Variants in FSTL5 observed in about 807,000 individuals in gnomAD.
FSTL5 encodes the protein follistatin-related protein 5.
In FSTL5, 62 loss-of-function variants were observed where a neutral mutation model predicts 89.1. The ratio of observed to expected loss-of-function variants is 0.70; its 90% CI spans 0.57 to 0.86. The LOEUF (loss-of-function observed/expected upper bound fraction) is 0.86, where lower values mean the gene tolerates loss of function less well. FSTL5 is among the 40% of genes least tolerant of loss of function. FSTL5 has a pLI of 0.00. For synonymous variants in FSTL5, 383 were observed against 346.2 expected (o/e 1.11, Z -1.18); for missense variants, 1,057 against 1,001.6 (o/e 1.06, Z -0.75).
At chr4:161,591,530 T>A (rs35462865) in intron 7 of FSTL5, among the ~76,000 whole-genome samples, 30 of 104,550 alleles carry the variant, frequency 2.9e-4, no homozygotes, top group African/African-American at 8.5e-4. Context: ...TCCAAAAAAA[T>A]AAATATGCCA....
At chr4:161,407,111 G>A (rs1731410540) in intron 15 of FSTL5, among the ~76,000 whole-genome samples, 1 of 152,124 alleles carries the variant, frequency 6.6e-6, no homozygotes, top group African/African-American at 2.4e-5. Flanking sequence ...AAAGCATTTT[G>A]AAACTAGATA....
intron 6 of FSTL5, among the ~76,000 whole-genome samples, chr4:161,695,567 G>T (rs1738124678): frequency 6.6e-6 from 1 of 151,978 alleles, no homozygotes; most frequent in Admixed American, 6.6e-5. Flanking sequence ...TGCAAATTGT[G>T]CTGCTATAAA....
chr4:161,387,592 G>A (rs1332495838), intron 15 of FSTL5: 2 of 151,904 alleles, frequency 1.3e-5, no homozygotes, highest in Non-Finnish European at 2.9e-5. Flanking sequence ...GGTGCAATCA[G>A]AGTAATATCT....
At position 161,477,779 on chromosome 4, in the gene FSTL5, G is replaced by A. The variant is rs538592110; in HGVS notation, c.1608+3241C>T. On this transcript the variant is annotated intron_variant, in intron 13 of 15. Coordinates refer to ENST00000306100, the MANE Select transcript of FSTL5 (RefSeq NM_020116.5). ...TTTTCAATTTTAGGAACTTATTCAAGAAATACAGGGTTAGTATAAAACTTG... is the reference window on the plus strand; with the variant it reads ...TTTTCAATTTTAGGAACTTATTCAAAAAATACAGGGTTAGTATAAAACTTG... Among the ~76,000 whole-genome samples, 12 of 151,752 alleles carry A rather than the reference G, an allele frequency of 7.9e-5. No homozygotes were observed. The South Asian group carries it at 2.3e-3, about 29-fold the overall frequency.
chr4:161,438,761 T>C (rs1462253653), intron 15 of FSTL5, among the ~76,000 whole-genome samples: 1 of 152,072 alleles, frequency 6.6e-6, no homozygotes, highest in Non-Finnish European at 1.5e-5. Context: ...AATGATTAAT[T>C]TTTTTACAAA....
At chr4:161,911,274 A>G (rs972379380) in intron 4 of FSTL5, among the ~76,000 whole-genome samples, 11 of 152,036 alleles carry the variant, frequency 7.2e-5, no homozygotes, top group African/African-American at 2.4e-4. Context: ...TATTCTATAT[A>G]TATATAATTC....
chr4:161,396,489 A>C (rs1731004389), intron 15 of FSTL5, among the ~76,000 whole-genome samples: 1 of 136,786 alleles, frequency 7.3e-6, no homozygotes, highest in South Asian at 2.4e-4. Context: ...TAAAAATACA[A>C]AAAAAAAAAA....
At chr4:161,855,812 C>T (rs1005848555) in intron 4 of FSTL5, among the ~76,000 whole-genome samples, 1 of 152,090 alleles carries the variant, frequency 6.6e-6, no homozygotes, top group Non-Finnish European at 1.5e-5. Context: ...TAAATGCAAT[C>T]CCAGTTACTG....
chr4:161,748,883 CAAA>C (rs1040034587), intron 6 of FSTL5, among the ~76,000 whole-genome samples: 1 of 119,740 alleles, frequency 8.4e-6, no homozygotes, highest in African/African-American at 3.2e-5. Context: ...AAATGTTTCT[CAAA>C]AGAAGACATA....
intron 15 of FSTL5, among the ~76,000 whole-genome samples, chr4:161,445,263 C>T (rs142604675): frequency 8.1e-4 from 123 of 151,958 alleles, no homozygotes; most frequent in African/African-American, 2.7e-3. Context: ...AGAGCCTCTA[C>T]TTTTAGTCAG....
intron 10 of FSTL5, among the ~76,000 whole-genome samples, chr4:161,536,035 T>C (rs939645921): frequency 3.9e-5 from 6 of 152,092 alleles, no homozygotes; most frequent in African/African-American, 1.4e-4. Flanking sequence ...GAGCTAAACA[T>C]TGAATACACA....
chr4:161,742,169 T>C (rs933142497), intron 6 of FSTL5, among the ~76,000 whole-genome samples: 1 of 152,150 alleles, frequency 6.6e-6, no homozygotes, highest in African/African-American at 2.4e-5. Flanking sequence ...ACTAGTTATT[T>C]GAGAGAAAAC....
intron 15 of FSTL5, among the ~76,000 whole-genome samples, chr4:161,393,312 C>T (rs1386744587): frequency 5.9e-5 from 9 of 151,518 alleles, no homozygotes. Flanking sequence ...ATTCTAGATA[C>T]CATATGACCA....
chr4:161,469,660 C>T (rs111761640), intron 13 of FSTL5, among the ~76,000 whole-genome samples: 33 of 146,008 alleles, frequency 2.3e-4, no homozygotes, highest in South Asian at 4.3e-4. Flanking sequence ...TTTTTTGAAG[C>T]GGAGTCTCCC....
intron 6 of FSTL5, among the ~76,000 whole-genome samples, chr4:161,682,443 C>T (rs1207258545): frequency 6.6e-6 from 1 of 152,162 alleles, no homozygotes; most frequent in Non-Finnish European, 1.5e-5. Flanking sequence ...TGTACAGCTG[C>T]ACAACCATAT....
chr4:161,890,156 AT>A (rs1446297797), intron 4 of FSTL5, among the ~76,000 whole-genome samples: 1 of 152,156 alleles, frequency 6.6e-6, no homozygotes, highest in Non-Finnish European at 1.5e-5. Flanking sequence ...CATCTTTAAA[AT>A]CAGTTTCAAT....
chr4:161,886,166 A>T (rs1732800534), intron 4 of FSTL5, among the ~76,000 whole-genome samples: 1 of 152,142 alleles, frequency 6.6e-6, no homozygotes, highest in African/African-American at 2.4e-5. Context: ...AACAAATACA[A>T]CACAATTTGA....
chr4:161,426,891 A>G (rs1012481084), intron 15 of FSTL5, among the ~76,000 whole-genome samples: 1 of 152,216 alleles, frequency 6.6e-6, no homozygotes, highest in Non-Finnish European at 1.5e-5. Flanking sequence ...TAAAATACAC[A>G]TATTTTTTAC....
In FSTL5 at chr4:161,779,821, A is replaced by ATATATATATATATG. The variant is rs1553965280; in HGVS notation, c.410-3748_410-3747insCATATATATATATA. ...TATATATATATATATGTATATATATATATATATATATATATGTATATAAAA... is the reference window on the plus strand; with the variant it reads ...TATATATATATATATGTATATATATATATATATATATATGTATATATATATATATGTATATAAAA... On this transcript the variant is annotated intron_variant, in intron 4 of 15. Coordinates refer to ENST00000306100, the MANE Select transcript of FSTL5 (RefSeq NM_020116.5). Among the ~76,000 whole-genome samples the ATATATATATATATG allele has an allele frequency of 3.6e-3, 225 of 63,318 alleles. 15 individuals are homozygous for ATATATATATATATG. The South Asian group carries it at 0.057, about 16-fold the overall frequency. 41.5% of individuals were successfully genotyped at this position (63,318 alleles called of 152,430 possible). A position where few individuals can be genotyped will look rare whatever the true frequency, so the allele number is the denominator to read the frequency against.
Sources: allele counts gnomAD v4.1 joint callset (sites outside exome capture counted in the v4.1 genomes callset), GRCh38; gene constraint gnomAD v4.1.1; transcripts MANE v1.5; gene names NCBI Gene and HGNC (gene_info 2026-07-23, HGNC 2026-07-21).